INTS1: variants seen among roughly 807,000 people sequenced by gnomAD.
The protein encoded by INTS1 is integrator complex subunit 1.
In INTS1, 137 loss-of-function variants were observed where a neutral mutation model predicts 241.6. The ratio of observed to expected loss-of-function variants is 0.57; its 90% CI spans 0.49 to 0.65. INTS1 has a LOEUF of 0.65. Ranked by LOEUF, INTS1 falls within the 30% of genes least tolerant of loss-of-function variation. The pLI is 0.00. For synonymous variants in INTS1, 1,692 were observed against 1,337.8 expected, an observed-to-expected ratio of 1.26 and a Z score of -5.78; for missense variants, 3,073 against 3,032.2, an observed-to-expected ratio of 1.01 and a Z score of -0.32.
In INTS1 at chr7:1,486,652, C is replaced by T; in HGVS notation, c.2949G>A (p.Gln983=). Residue 983 remains glutamine, a synonymous_variant, in exon 22 of 48, where the codon CAG becomes CAA. Transcript: ENST00000404767. ...TCATGGCCAGCACGCGGGAGGCCAC[C>T]TGGGAGGAGCCGAGGCGCCGCAAGA... ...DYFLRRLGSS[Q]VASRVLAMKG... 6.2e-7 allele frequency: 1 copy of T among 1,612,106 alleles called. No homozygotes were observed. The highest frequency in any genetic ancestry group is 1.1e-5 in the South Asian group (1 of 90,922).
rs1389994068 is a variant in INTS1, at chr7:1,498,891, C to T, written c.1138-39G>A. ...GAGGGAGCAGTGGGCTCACGGCCACCCCGGCAGGAAGACCACGCTGTGGGG... is the reference window on the plus strand; with the variant it reads ...GAGGGAGCAGTGGGCTCACGGCCACTCCGGCAGGAAGACCACGCTGTGGGG... On this transcript the variant is annotated intron_variant, in intron 8 of 47. Coordinates refer to ENST00000404767, the MANE Select transcript of INTS1 (RefSeq NM_001080453.3). 2.6e-6 allele frequency: 4 copies of T among 1,563,380 alleles called. No individual in the cohort carries two copies. In the African/African-American group the frequency reaches 4.1e-5, roughly 16 times the overall value.
intron 16 of INTS1, among the ~76,000 whole-genome samples, chr7:1,489,962 T>C (rs909390306): frequency 1.3e-5 from 2 of 151,888 alleles, no homozygotes; most frequent in African/African-American, 4.8e-5. Flanking sequence ...TAAGTGACAA[T>C]GATTTTTGTA....
chr7:1,486,408 C>G (rs1782268586), intron 22 of INTS1, among the ~76,000 whole-genome samples: 1 of 151,916 alleles, frequency 6.6e-6, no homozygotes, highest in African/African-American at 2.4e-5. Flanking sequence ...GGATTACAGG[C>G]CCCCTCCACC....
chr7:1,503,900 C>A lies in INTS1; in HGVS notation c.58+3G>T. ...GGGCTGCAGAGCGAGGAGGGAGACG[C>A]ACCTGAGGGTTTGGCCGCGGCGCTG... On this transcript the variant is annotated splice_donor_region_variant and intron_variant, in intron 2 of 47. Transcript: ENST00000404767. 6.5e-7 allele frequency: 1 copy of A among 1,537,900 alleles called. No individual in the cohort carries two copies. The highest frequency in any genetic ancestry group is 8.8e-7 in the Non-Finnish European group (1 of 1,142,362).
intron 8 of INTS1, 32 bp downstream of exon 8, chr7:1,498,943 G>GGCCCCCC: frequency 9.3e-7 from 1 of 1,070,746 alleles, no homozygotes; most frequent in Non-Finnish European, 1.3e-6. Flanking sequence ...CCCACCCCCT[G>GGCCCCCC]CCCCGCCCAC....
At chr7:1,503,862 C>CCCAAAGACCT (rs1339471868) in intron 2 of INTS1, 41 bp downstream of exon 2, 5 of 1,503,794 alleles carry the variant, frequency 3.3e-6, no homozygotes, top group Non-Finnish European at 4.5e-6. Flanking sequence ...CCCAAAGACC[C>CCCAAAGACCT]CCAAAGACCC....
At chr7:1,474,116 C>T in intron 41 of INTS1, 52 bp downstream of exon 41, 1 of 1,508,776 alleles carries the variant, frequency 6.6e-7, no homozygotes, top group Non-Finnish European at 8.8e-7. Flanking sequence ...AGGCCTGGGC[C>T]AGAGCAGAGG....
chr7:1,495,885 GCCA>G (rs1232947674), intron 12 of INTS1, among the ~76,000 whole-genome samples: 4 of 152,200 alleles, frequency 2.6e-5, no homozygotes, highest in African/African-American at 9.7e-5. Context: ...CGTGGCTGGG[GCCA>G]CCACGCCTGC....
At position 1,471,649 on chromosome 7, in the gene INTS1, A is replaced by C; in HGVS notation, c.6185-8T>G. On this transcript the variant is annotated splice_polypyrimidine_tract_variant and splice_region_variant and intron_variant, in intron 44 of 47. Transcript: ENST00000404767. ...TCAGAACCTCCAGCAGATCTGACAC[A>C]GAGAGAGGGCCAGACCAGAACTGAA... 1 of 1,604,278 alleles carries C rather than the reference A, an allele frequency of 6.2e-7. No homozygotes were observed. Among genetic ancestry groups the C allele is most frequent in the African/African-American group, 1.5e-5 (1 of 68,396 alleles).
At position 1,470,364 on chromosome 7, in the gene INTS1, G is replaced by C. The variant is rs1443536344; in HGVS notation, c.*213C>G. On this transcript the variant is annotated 3_prime_UTR_variant, in exon 48 of 48. Transcript: ENST00000404767. ...GCGGCAGGGCTGTGGCCCAGAAGGT[G>C]AATGAGGGCTTGCTGGACGGCCCCT... is the stretch of plus-strand genomic sequence containing the variant. 1 of 508,390 alleles carries C rather than the reference G, an allele frequency of 2.0e-6. No homozygotes were observed. Among genetic ancestry groups the C allele is most frequent in the Non-Finnish European group, 3.4e-6 (1 of 289,998 alleles). 31.5% of individuals were successfully genotyped at this position (508,390 alleles called of 1,614,324 possible).
At chr7:1,476,680 G>A (rs1204875062) in intron 36 of INTS1, 23 bp from the exon 37 acceptor site, 2 of 1,612,532 alleles carry the variant, frequency 1.2e-6, no homozygotes, top group Non-Finnish European at 1.7e-6. Context: ...AAAGGTTCCA[G>A]AGCACGAGGT....
At chr7:1,478,173 C>T (rs527280944) in intron 33 of INTS1, among the ~76,000 whole-genome samples, 193 bp downstream of exon 33, 2 of 151,950 alleles carry the variant, frequency 1.3e-5, no homozygotes, top group Admixed American at 1.3e-4. Flanking sequence ...ATCAGGGGCC[C>T]CCCAAGGAGG....
intron 21 of INTS1, 46 bp from the exon 22 acceptor site, chr7:1,486,820 C>A (rs62435333): frequency 2.6e-5 from 39 of 1,504,920 alleles, no homozygotes; most frequent in African/African-American, 4.5e-5. Context: ...ACAGGCCAGG[C>A]GGGTAGGACG....
At chr7:1,480,779 T>C (rs899044548) in intron 29 of INTS1, 56 bp downstream of exon 29, 21 of 1,390,022 alleles carry the variant, frequency 1.5e-5, no homozygotes, top group Middle Eastern at 2.5e-4. Context: ...GTCTCTGTGT[T>C]GGCCCCACCC....
In INTS1 at chr7:1,479,519, T is replaced by A; in HGVS notation, c.4240A>T (p.Ser1414Cys). 6.4e-7 allele frequency: 1 copy of A among 1,567,572 alleles called. No homozygotes were observed. Among genetic ancestry groups the A allele is most frequent in the Non-Finnish European group, 8.6e-7 (1 of 1,157,656 alleles). Residue 1414 changes from serine (S) to cysteine (C), a missense_variant, in exon 31 of 48, where the codon AGC becomes TGC. Ser to Cys is a moderately radical substitution (Grantham distance 112). Transcript: ENST00000404767. ...RVLQALATLL[S>C]SPHGGALVMS... ...ACCAGGGCACCGCCGTGTGGGGAGC[T>A]GAGCAGGGTGGCGAGGGCCTGCAGG...
chr7:1,501,087 C>T (rs1783154550), intron 3 of INTS1: 1 of 152,058 alleles, frequency 6.6e-6, no homozygotes, highest in African/African-American at 2.4e-5. Context: ...GAAATCGAGA[C>T]CAGCCTGGCC....
chr7:1,503,754 G>A, intron 2 of INTS1, 149 bp downstream of exon 2: 1 of 620,318 alleles, frequency 1.6e-6, no homozygotes, highest in Non-Finnish European at 2.9e-6. Flanking sequence ...GCTGAGGACC[G>A]AGAGCAGTGT....
intron 11 of INTS1, among the ~76,000 whole-genome samples, chr7:1,496,839 C>T (rs1782886590): frequency 6.6e-6 from 1 of 152,202 alleles, no homozygotes; most frequent in Admixed American, 6.5e-5. Context: ...AGGCAGCCCG[C>T]AGCCCCACCC....
rs1782060406 is a variant in INTS1 at position 1,482,833 on chromosome 7, G to A, written c.3542-126C>T. On this transcript the variant is annotated intron_variant, in intron 26 of 47. Transcript: ENST00000404767. ...AAACTGAGACTTGGGAGGAGCACGG[G>A]GCTCCTGTGCTAGGTGAGCACTTGC... 7 of 1,153,162 alleles carry A rather than the reference G, an allele frequency of 6.1e-6. No homozygotes were observed. The Admixed American group carries it at 6.7e-5, about 11-fold the overall frequency. The allele number at this position is 1,153,162 out of a possible 1,614,324, so 71.4% of individuals were successfully genotyped here. A position where few individuals can be genotyped will look rare whatever the true frequency, so the allele number is the denominator to read the frequency against.
Sources: gnomAD v4.1 joint callset for allele counts (sites outside exome capture counted in the v4.1 genomes callset) on GRCh38, gnomAD v4.1.1 for gene constraint, MANE v1.5 for transcripts, NCBI Gene and HGNC (gene_info 2026-07-23, HGNC 2026-07-21) for gene names.